CSMD1: variants seen among roughly 807,000 people sequenced by gnomAD.
The protein encoded by CSMD1 is CUB and sushi domain-containing protein 1.
A neutral mutation model predicts 417.5 loss-of-function variants in CSMD1; 213 were observed. The ratio of observed to expected loss-of-function variants is 0.51; its 90% confidence interval spans 0.46 to 0.57. The LOEUF (loss-of-function observed/expected upper bound fraction) is 0.57, where lower values mean the gene tolerates loss of function less well. Ranked by LOEUF, CSMD1 falls within the 20% of genes least tolerant of loss-of-function variation. The pLI is 0.00. For missense variants in CSMD1, 6,923 were observed against 4,529.7 expected, an observed-to-expected ratio of 1.53 and a Z score of -15.17; for synonymous variants, 2,862 against 1,736.8, an observed-to-expected ratio of 1.65 and a Z score of -16.11.
At chr8:2,977,323 C>A (rs1195825375) in intron 55 of CSMD1, among the ~76,000 whole-genome samples, 5 of 152,140 alleles carry the variant, frequency 3.3e-5, no homozygotes, top group African/African-American at 1.2e-4. Context: ...ATGTGTTCAG[C>A]TCCTACTTAT....
chr8:4,994,258 A>G, intron 1 of CSMD1, 74 bp downstream of exon 1: 1 of 1,404,674 alleles, frequency 7.1e-7, no homozygotes. Flanking sequence ...GGTCCCCAAA[A>G]CGCACACTCG....
chr8:4,393,233 C>A (rs570008211), intron 3 of CSMD1, among the ~76,000 whole-genome samples: 1 of 152,222 alleles, frequency 6.6e-6, no homozygotes, highest in Non-Finnish European at 1.5e-5. Context: ...ACATCAGCCT[C>A]CCAAAGTGCT....
chr8:4,033,440 T>C (rs374836868), intron 3 of CSMD1, among the ~76,000 whole-genome samples: 2 of 152,116 alleles, frequency 1.3e-5, no homozygotes, highest in African/African-American at 2.4e-5. Flanking sequence ...AGACTCCGCC[T>C]CAAAAAAACA....
chr8:4,370,596 C>G (rs1348460938), intron 3 of CSMD1, among the ~76,000 whole-genome samples: 1 of 152,152 alleles, frequency 6.6e-6, no homozygotes, highest in South Asian at 2.1e-4. Context: ...GGTCTCTTTG[C>G]ATAATCTCAT....
chr8:4,860,752 A>T (rs1357726365), intron 1 of CSMD1, among the ~76,000 whole-genome samples: 1 of 152,164 alleles, frequency 6.6e-6, no homozygotes, highest in African/African-American at 2.4e-5. Context: ...GTATGGGCAT[A>T]CGTTCCTGGT....
At chr8:4,719,867 G>T (rs1197138154) in intron 1 of CSMD1, among the ~76,000 whole-genome samples, 1 of 151,916 alleles carries the variant, frequency 6.6e-6, no homozygotes, top group Non-Finnish European at 1.5e-5. Flanking sequence ...TATGGGAAAG[G>T]ACTCCCTATG....
chr8:3,927,148 G>A (rs998363089), intron 5 of CSMD1, among the ~76,000 whole-genome samples: 5 of 151,762 alleles, frequency 3.3e-5, no homozygotes, highest in Middle Eastern at 6.8e-3. Context: ...ATAAAAGATA[G>A]GGTTGTCATA....
intron 6 of CSMD1, among the ~76,000 whole-genome samples, chr8:3,709,680 G>GTTTTTTTTTTTTTTTT (rs56272726): frequency 0.02 from 684 of 33,616 alleles, 156 homozygotes; most frequent in Non-Finnish European, 0.029. Context: ...GCAGCAGCAT[G>GTTTTTTTTTTTTTTTT]TTTTTTTTTT....
chr8:4,479,902 G>C (rs527839496), intron 2 of CSMD1, among the ~76,000 whole-genome samples: 3 of 151,230 alleles, frequency 2.0e-5, no homozygotes, highest in African/African-American at 7.3e-5. Flanking sequence ...GGAGGCAGAG[G>C]TTGCAGTGAG....
chr8:3,926,534 A>G (rs1006077793), intron 5 of CSMD1, among the ~76,000 whole-genome samples: 3 of 151,860 alleles, frequency 2.0e-5, no homozygotes, highest in Non-Finnish European at 4.4e-5. Context: ...CAAAAAGCAA[A>G]TAATTGTTTC....
chr8:4,032,563 C>A (rs1280245368), intron 3 of CSMD1, among the ~76,000 whole-genome samples: 1 of 152,134 alleles, frequency 6.6e-6, no homozygotes, highest in Non-Finnish European at 1.5e-5. Context: ...GTGTCTGTTA[C>A]ACATCATTAC....
intron 3 of CSMD1, among the ~76,000 whole-genome samples, chr8:4,158,766 A>G (rs1796981713): frequency 6.6e-6 from 1 of 152,156 alleles, no homozygotes; most frequent in South Asian, 2.1e-4. Flanking sequence ...GATGGGTGTG[A>G]ACACTGAAGT....
intron 1 of CSMD1, among the ~76,000 whole-genome samples, chr8:4,775,861 G>A (rs776257134): frequency 2.0e-5 from 3 of 152,154 alleles, no homozygotes; most frequent in Non-Finnish European, 1.5e-5. Context: ...TTTCTTCAAT[G>A]TAATGTACCA....
At position 4,012,591 on chromosome 8, in the gene CSMD1, T is replaced by C. The variant is rs146896464; in HGVS notation, c.611-14481A>G. Among the ~76,000 whole-genome samples the C allele has an allele frequency of 6.8e-3, 1,028 of 152,182 alleles. 12 individuals are homozygous for C. Among genetic ancestry groups the C allele is most frequent in the African/African-American group, 0.024 (994 of 41,502 alleles). On this transcript the variant is annotated intron_variant, in intron 4 of 69. Transcript: ENST00000635120. ...GTCACCACCTCCTTCCTCCCCTCAG[T>C]AGGCCTCAGTGACTATGTCATCTGT...
chr8:3,016,288 C>G (rs1055198883), intron 52 of CSMD1, among the ~76,000 whole-genome samples: 3 of 150,496 alleles, frequency 2.0e-5, no homozygotes, highest in Non-Finnish European at 4.4e-5. Context: ...AGCCTCTGTT[C>G]CCTTCATCTA....
chr8:4,356,318 A>G (rs1345312575), intron 3 of CSMD1, among the ~76,000 whole-genome samples: 2 of 125,252 alleles, frequency 1.6e-5, no homozygotes, highest in Non-Finnish European at 3.5e-5. Flanking sequence ...AGTAGTATTC[A>G]TCATATGTAA....
At chr8:3,551,281 C>G (rs149897545) in intron 10 of CSMD1, among the ~76,000 whole-genome samples, 1 of 152,112 alleles carries the variant, frequency 6.6e-6, no homozygotes, top group South Asian at 2.1e-4. Flanking sequence ...ATTTTCTGTA[C>G]TACAGGACTG....
chr8:4,555,605 A>C (rs992052390), intron 2 of CSMD1, among the ~76,000 whole-genome samples: 8 of 152,188 alleles, frequency 5.3e-5, no homozygotes, highest in African/African-American at 1.9e-4. Context: ...TCAGCAGCTT[A>C]TATCTCTATG....
intron 8 of CSMD1, among the ~76,000 whole-genome samples, chr8:3,601,122 C>A (rs1473585240): frequency 6.6e-6 from 1 of 152,176 alleles, no homozygotes; most frequent in Non-Finnish European, 1.5e-5. Flanking sequence ...TATATCACTG[C>A]TAGATGTAGG....
Sources: gnomAD v4.1 joint callset for allele counts (sites outside exome capture counted in the v4.1 genomes callset) on GRCh38, gnomAD v4.1.1 for gene constraint, MANE v1.5 for transcripts, NCBI Gene and HGNC (gene_info 2026-07-23, HGNC 2026-07-21) for gene names.